Variants in UBE2M observed in about 807,000 individuals in gnomAD.
UBE2M encodes NEDD8-conjugating enzyme Ubc12.
A neutral mutation model predicts 23.5 loss-of-function variants in UBE2M; 2 were observed. The ratio of observed to expected loss-of-function variants is 0.09; its 90% CI spans 0.03 to 0.27. The LOEUF is 0.27. Among genes scored for constraint, UBE2M ranks in the 10% least tolerant of loss-of-function variants. The pLI, the probability that UBE2M is intolerant of heterozygous loss-of-function variation, is 1.00. For synonymous variants in UBE2M, 97 were observed against 95.2 expected (o/e 1.02, Z -0.11); for missense variants, 103 against 232.9 (o/e 0.44, Z 3.63).
rs373744704 is a variant in UBE2M, at chr19:58,558,149, C to A, written c.109+124G>T. The A allele has an allele frequency of 7.7e-6, 6 of 777,272 alleles. No homozygotes were observed. Among genetic ancestry groups the A allele is most frequent in the African/African-American group, 3.7e-5 (2 of 53,736 alleles). 48.1% of individuals were successfully genotyped at this position (777,272 alleles called of 1,614,324 possible). A position where few individuals can be genotyped will look rare whatever the true frequency, so the allele number is the denominator to read the frequency against. On this transcript the variant is annotated intron_variant, in intron 1 of 5. Transcript: ENST00000253023. The surrounding 1 kb of genome is among the most constrained non-coding windows in gnomAD (Gnocchi z 4.7). ...TCAAGACTTGACCTCCGACCCCCCC[C>A]ACGCTCGGGGCCCTTCACCTCTGAC...
rs770787289 is a variant in UBE2M at position 58,556,122 on chromosome 19, G to A, written c.519C>T (p.Ile173=). The change falls in exon 6 of 6, where the codon ATC becomes ATT. Residue 173 remains isoleucine (I), a synonymous_variant. Transcript: ENST00000253023. This position sits in a 1 kb window ranked among gnomAD's most constrained non-coding sequence, Gnocchi z 4.9. ...GGCAGCGCTCAAAGTAGGTGGAGCC[G>A]ATGTAGCCACCCCGCATGGAGCGCT... ...NVQRSMRGGY[I]GSTYFERCLK 25 of 1,612,794 alleles carry A rather than the reference G, an allele frequency of 1.6e-5. No homozygotes were observed. In the Admixed American group the frequency reaches 2.3e-4, roughly 15 times the overall value.
In UBE2M at chr19:58,558,183, A is replaced by C; in HGVS notation, c.109+90T>G. 9.0e-7 allele frequency: 1 copy of C among 1,111,530 alleles called. No homozygotes were observed. The highest frequency in any genetic ancestry group is 1.3e-6 in the Non-Finnish European group (1 of 797,082). 68.9% of individuals were successfully genotyped at this position (1,111,530 alleles called of 1,614,324 possible). A position where few individuals can be genotyped will look rare whatever the true frequency, so the allele number is the denominator to read the frequency against. ...GGCCCTTCACCTCTGACCCTCAGCA[A>C]CCGCATTACCCCTTCCTGACTCCCA... On this transcript the variant is annotated intron_variant, in intron 1 of 5. Coordinates refer to ENST00000253023, the MANE Select transcript of UBE2M (RefSeq NM_003969.4). This position sits in a 1 kb window ranked among gnomAD's most constrained non-coding sequence, Gnocchi z 4.7.
rs938064768 is a variant in UBE2M, at chr19:58,555,826, G to T, written c.*263C>A. 7.6e-6 allele frequency: 4 copies of T among 525,114 alleles called. No individual in the cohort carries two copies. The highest frequency in any genetic ancestry group is 1.9e-5 in the African/African-American group (1 of 52,454). 32.5% of individuals were successfully genotyped at this position (525,114 alleles called of 1,614,324 possible). On this transcript the variant is annotated 3_prime_UTR_variant, in exon 6 of 6. Coordinates refer to ENST00000253023, the MANE Select transcript of UBE2M (RefSeq NM_003969.4). ...ACCCACTCCACAGCCCAGAGTGGGGGCTGAACAAGCACCCAGCAGGGGGGC... is the reference window on the plus strand; with the variant it reads ...ACCCACTCCACAGCCCAGAGTGGGGTCTGAACAAGCACCCAGCAGGGGGGC...
At position 58,556,132 on chromosome 19, in the gene UBE2M, C is replaced by A. The variant is rs1378060550; in HGVS notation, c.509G>T (p.Gly170Val). The A allele has an allele frequency of 6.2e-7, 1 of 1,613,476 alleles. No individual in the cohort carries two copies. Among genetic ancestry groups the A allele is most frequent in the Non-Finnish European group, 8.5e-7 (1 of 1,179,914 alleles). ...FEQNVQRSMR[G>V]GYIGSTYFER... ...AAAGTAGGTGGAGCCGATGTAGCCA[C>A]CCCGCATGGAGCGCTGCACGTTCTG... Residue 170 changes from glycine (G) to valine (V), a missense_variant, in exon 6 of 6, where the codon GGT becomes GTT. Around this residue, in one of 3 missense-constraint regions of UBE2M, gnomAD observed 34 missense variants for 45.6 expected, o/e 0.75. Transcript: ENST00000253023. The surrounding 1 kb of genome is among the most constrained non-coding windows in gnomAD (Gnocchi z 4.9).
In UBE2M at chr19:58,558,191, A is replaced by AC; in HGVS notation, c.109+81dup. 1 of 1,173,044 alleles carries AC rather than the reference A, an allele frequency of 8.5e-7. No homozygotes were observed. Among genetic ancestry groups the AC allele is most frequent in the Non-Finnish European group, 1.2e-6 (1 of 844,584 alleles). The allele number at this position is 1,173,044 out of a possible 1,614,324, so 72.7% of individuals were successfully genotyped here. A position where few individuals can be genotyped will look rare whatever the true frequency, so the allele number is the denominator to read the frequency against. ...ACCTCTGACCCTCAGCAACCGCATT[A>AC]CCCCTTCCTGACTCCCACATCACCC... On this transcript the variant is annotated intron_variant, in intron 1 of 5. Coordinates refer to ENST00000253023, the MANE Select transcript of UBE2M (RefSeq NM_003969.4). This position sits in a 1 kb window ranked among gnomAD's most constrained non-coding sequence, Gnocchi z 4.7.
At chr19:58,557,786 G>A (rs2053902181) in intron 1 of UBE2M, among the ~76,000 whole-genome samples, 1 of 149,968 alleles carries the variant, frequency 6.7e-6, no homozygotes, top group Admixed American at 6.7e-5. Flanking sequence ...ACCCCAAATT[G>A]CTGTGACTCA....
Position 58,558,390 on chromosome 19 carries a change from C to A in UBE2M, c.-9G>T. The A allele has an allele frequency of 7.3e-7, 1 of 1,376,980 alleles. No individual in the cohort carries two copies. The highest frequency in any genetic ancestry group is 9.5e-7 in the Non-Finnish European group (1 of 1,051,888). The allele number at this position is 1,376,980 out of a possible 1,614,324, so 85.3% of individuals were successfully genotyped here. ...GAGAACAGCTTGATCATCCTGCCGC[C>A]GCCGCCGCCGCTGCCGCCGCCGCGG... On this transcript the variant is annotated 5_prime_UTR_variant, in exon 1 of 6. Coordinates refer to ENST00000253023, the MANE Select transcript of UBE2M (RefSeq NM_003969.4). This position sits in a 1 kb window ranked among gnomAD's most constrained non-coding sequence, Gnocchi z 4.7.
In UBE2M at chr19:58,557,224, G is replaced by A. The variant is rs1278216479; in HGVS notation, c.110-67C>T. 5 of 1,487,516 alleles carry A rather than the reference G, an allele frequency of 3.4e-6. No individual in the cohort carries two copies. The East Asian group carries it at 6.8e-5, about 20-fold the overall frequency. The allele number at this position is 1,487,516 out of a possible 1,614,324, so 92.1% of individuals were successfully genotyped here. A position where few individuals can be genotyped will look rare whatever the true frequency, so the allele number is the denominator to read the frequency against. On this transcript the variant is annotated intron_variant, in intron 1 of 5. Coordinates refer to ENST00000253023, the MANE Select transcript of UBE2M (RefSeq NM_003969.4). The stretch of plus-strand genomic sequence containing the variant: ...GGGAAGAGAGAGAGAGAGGGAGCCA[G>A]CAGGACACTTAGGGCGGGTGTTTGT...
rs559015401 is a variant in UBE2M at position 58,556,623 on chromosome 19, C to G, written c.347+64G>C. 38 of 1,401,110 alleles carry G rather than the reference C, an allele frequency of 2.7e-5. No individual in the cohort carries two copies. In the Admixed American group the frequency reaches 7.4e-4, roughly 27 times the overall value. 86.8% of individuals were successfully genotyped at this position (1,401,110 alleles called of 1,614,324 possible). A position where few individuals can be genotyped will look rare whatever the true frequency, so the allele number is the denominator to read the frequency against. On this transcript the variant is annotated intron_variant, in intron 4 of 5. Transcript: ENST00000253023. This position sits in a 1 kb window ranked among gnomAD's most constrained non-coding sequence, Gnocchi z 4.9. ...GGGACAGAGTCTGATGTAGTGCCCA[C>G]AAGACCATGAGGGAGGCCTGGCAGG... is the stretch of plus-strand genomic sequence containing the variant.
chr19:58,557,267 TCTC>T lies in UBE2M; in HGVS notation c.110-113_110-111del, dbSNP rs2053898185. ...GTGTTTGTTAGCAGAGCCCCCATCG[TCTC>T]CTCCTGGACCCCCAGGCGCCTCTCC... On this transcript the variant is annotated intron_variant, in intron 1 of 5. Transcript: ENST00000253023. The T allele has an allele frequency of 7.2e-6, 8 of 1,111,964 alleles. No individual in the cohort carries two copies. In the East Asian group the frequency reaches 1.2e-4, roughly 16 times the overall value. The allele number at this position is 1,111,964 out of a possible 1,614,324, so 68.9% of individuals were successfully genotyped here.
chr19:58,556,217 C>T lies in UBE2M; in HGVS notation c.424G>A (p.Glu142Lys). 2 of 1,614,128 alleles carry T rather than the reference C, an allele frequency of 1.2e-6. No homozygotes were observed. The highest frequency in any genetic ancestry group is 1.7e-6 in the Non-Finnish European group (2 of 1,179,996). ...LQYLFLEPNP[E>K]DPLNKEAAEV... ...GCGGCCTCCTTGTTCAGTGGGTCCTCGGGGTTGGGCTCCTGTGGCCAGTAC... is the reference window on the plus strand; with the variant it reads ...GCGGCCTCCTTGTTCAGTGGGTCCTTGGGGTTGGGCTCCTGTGGCCAGTAC... The change falls in exon 6 of 6, where the codon GAG becomes AAG. Residue 142 changes from glutamate (E) to lysine (K), a missense_variant. Glu to Lys is a moderately conservative substitution (Grantham distance 56). This residue lies in a region of UBE2M where 12 missense variants were observed against 84.0 expected (regional missense o/e 0.14). Transcript: ENST00000253023. The surrounding 1 kb of genome is among the most constrained non-coding windows in gnomAD (Gnocchi z 4.9).
At position 58,556,999 on chromosome 19, in the gene UBE2M, C is replaced by T. The variant is rs144110922; in HGVS notation, c.204+64G>A. 3,775 of 1,613,686 alleles carry T rather than the reference C, an allele frequency of 2.3e-3. 3 individuals carry two copies. The highest frequency in any genetic ancestry group is 9.6e-3 in the Middle Eastern group (58 of 6,062). ...GTGGGGCCCGATGGGCAGAACATGT[C>T]TCCCTCCTCTCAGTGGGGACACCCT... On this transcript the variant is annotated intron_variant, in intron 2 of 5. Transcript: ENST00000253023. The surrounding 1 kb of genome is among the most constrained non-coding windows in gnomAD (Gnocchi z 4.9).
chr19:58,558,149 C>T lies in UBE2M; in HGVS notation c.109+124G>A. The T allele has an allele frequency of 1.3e-6, 1 of 777,272 alleles. No homozygotes were observed. The allele number at this position is 777,272 out of a possible 1,614,324, so 48.1% of individuals were successfully genotyped here. ...TCAAGACTTGACCTCCGACCCCCCC[C>T]ACGCTCGGGGCCCTTCACCTCTGAC... is the stretch of plus-strand genomic sequence containing the variant. On this transcript the variant is annotated intron_variant, in intron 1 of 5. Transcript: ENST00000253023. This position sits in a 1 kb window ranked among gnomAD's most constrained non-coding sequence, Gnocchi z 4.7.
chr19:58,558,337 C>T lies in UBE2M; in HGVS notation c.45G>A (p.Glu15=). ...FSLKQQKKEE[E]SAGGTKGSSK... ...TGCTGCCCTTGGTGCCGCCCGCCGA[C>T]TCCTCCTCCTTCTTCTGCTGCTTCA... Residue 15 remains glutamate (E), a synonymous_variant, in exon 1 of 6, where the codon GAG becomes GAA. Transcript: ENST00000253023. The surrounding 1 kb of genome is among the most constrained non-coding windows in gnomAD (Gnocchi z 4.7). 6.3e-7 allele frequency: 1 copy of T among 1,596,906 alleles called. No individual in the cohort carries two copies. Among genetic ancestry groups the T allele is most frequent in the South Asian group, 1.1e-5 (1 of 89,596 alleles).
rs1227081344 is a variant in UBE2M at position 58,557,923 on chromosome 19, CCT to C, written c.109+348_109+349del. Among the ~76,000 whole-genome samples, 11 of 152,066 alleles carry C rather than the reference CCT, an allele frequency of 7.2e-5. No homozygotes were observed. In the East Asian group the frequency reaches 1.4e-3, roughly 19 times the overall value. ...TCCCCAACCCCTGGCCTCTACTATC[CCT>C]CTCTTCTCCGCCTGTCACCCCAAAC... On this transcript the variant is annotated intron_variant, in intron 1 of 5. Transcript: ENST00000253023.
rs988718648 is a variant in UBE2M at position 58,555,792 on chromosome 19, C to G, written c.*297G>C. On this transcript the variant is annotated 3_prime_UTR_variant, in exon 6 of 6. Transcript: ENST00000253023. Reference sequence around the variant, plus strand: ...GTTGCCTGGGCCCAGCTACCCAGGCCCGTTGCCCACCCACTCCACAGCCCA... The same window carrying G: ...GTTGCCTGGGCCCAGCTACCCAGGCGCGTTGCCCACCCACTCCACAGCCCA... 29 of 429,474 alleles carry G rather than the reference C, an allele frequency of 6.8e-5. No individual in the cohort carries two copies. The highest frequency in any genetic ancestry group is 2.6e-5 in the Non-Finnish European group (6 of 231,908). The allele number at this position is 429,474 out of a possible 1,614,324, so 26.6% of individuals were successfully genotyped here.
At chr19:58,557,530 C>T (rs991168492) in intron 1 of UBE2M, among the ~76,000 whole-genome samples, 5 of 151,954 alleles carry the variant, frequency 3.3e-5, no homozygotes, top group African/African-American at 1.2e-4. Context: ...CAGTATCTAC[C>T]TGTTCACCCA....
intron 1 of UBE2M, among the ~76,000 whole-genome samples, chr19:58,557,935 G>A (rs1340968644): frequency 3.3e-5 from 5 of 151,042 alleles, no homozygotes; most frequent in Non-Finnish European, 3.0e-5. Flanking sequence ...TCTCTTCTCC[G>A]CCTGTCACCC....
chr19:58,556,256 C>T lies in UBE2M; in HGVS notation c.412-27G>A, dbSNP rs2305119. On this transcript the variant is annotated intron_variant, in intron 5 of 5. Transcript: ENST00000253023. This position sits in a 1 kb window ranked among gnomAD's most constrained non-coding sequence, Gnocchi z 4.9. ...TGTGGCCAGTACAGGTAGGGGGGGT[C>T]AACAGGCCAGAGGGACAGAAGGCCA... 397,156 of 1,613,380 alleles carry T rather than the reference C, an allele frequency of 0.25. 55,368 individuals carry two copies. Among genetic ancestry groups the T allele is most frequent in the African/African-American group, 0.61 (45,389 of 74,904 alleles).
Sources: gnomAD v4.1 joint callset for allele counts (sites outside exome capture counted in the v4.1 genomes callset) on GRCh38, gnomAD v4.1.1 for gene constraint, gnomAD v4.1.1 regional missense constraint, Gnocchi (gnomAD v3.1) non-coding constraint, MANE v1.5 for transcripts, NCBI Gene and HGNC (gene_info 2026-07-23, HGNC 2026-07-21) for gene names.